KIAA0513: variants seen among roughly 807,000 people sequenced by gnomAD.
The protein encoded by KIAA0513 is uncharacterized protein KIAA0513.
KIAA0513 carries 39 observed loss-of-function variants against 56.5 expected under a neutral mutation model. The observed-to-expected ratio is 0.69, with a 90% confidence interval of 0.53 to 0.90. KIAA0513 has a LOEUF of 0.90. Ranked by LOEUF, KIAA0513 falls within the 40% of genes least tolerant of loss-of-function variation. KIAA0513 has a pLI of 0.00. For synonymous variants in KIAA0513, 268 were observed against 215.6 expected (o/e 1.24, Z -2.13); for missense variants, 591 against 535.2 (o/e 1.10, Z -1.03).
In KIAA0513 at chr16:85,072,065, G is replaced by A. The variant is rs554003676; in HGVS notation, c.429+183G>A. Among the ~76,000 whole-genome samples the A allele has an allele frequency of 1.6e-4, 25 of 152,232 alleles. 1 individual carries two copies. The East Asian group carries it at 4.6e-3, about 28-fold the overall frequency. ...TGAAAAGGAGTGTTTAGAATAGTAA[G>A]AAACAGTCTGGGCACAGTGGCTCAT... On this transcript the variant is annotated intron_variant, in intron 3 of 12. Coordinates refer to ENST00000683363, the MANE Select transcript of KIAA0513 (RefSeq NM_001388359.1).
chr16:85,053,373 T>C (rs931781514), intron 1 of KIAA0513, among the ~76,000 whole-genome samples: 7 of 152,228 alleles, frequency 4.6e-5, no homozygotes, highest in Non-Finnish European at 1.0e-4. Flanking sequence ...AAAATCCTTT[T>C]GGGTCTCGAT....
chr16:85,086,679 A>G lies in KIAA0513; in HGVS notation c.1046A>G (p.Asp349Gly), dbSNP rs754408344. 1 of 1,613,882 alleles carries G rather than the reference A, an allele frequency of 6.2e-7. No individual in the cohort carries two copies. The highest frequency in any genetic ancestry group is 1.1e-5 in the South Asian group (1 of 91,072). Residue 349 changes from aspartate to glycine, a missense_variant, in exon 11 of 13, where the codon GAC (aspartate) becomes GGC (glycine). Physicochemically the swap from Asp to Gly is moderately conservative, Grantham distance 94. Coordinates refer to ENST00000683363, the MANE Select transcript of KIAA0513 (RefSeq NM_001388359.1). ...KWCHMTQEER[D>G]DSLRFNENIT... ...TGCCACATGACCCAGGAGGAGCGCG[A>G]CGACAGCCTCCGGTTCAACGAGAAC...
At chr16:85,070,354 A>T (rs923835598) in intron 2 of KIAA0513, among the ~76,000 whole-genome samples, 27 of 152,210 alleles carry the variant, frequency 1.8e-4, no homozygotes, top group African/African-American at 6.3e-4. Context: ...GAGAACCGTT[A>T]TATGATAATC....
chr16:85,088,540 T>C lies in KIAA0513; in HGVS notation c.*215T>C, dbSNP rs2073835674. The C allele has an allele frequency of 3.5e-6, 2 of 574,958 alleles. No homozygotes were observed. Among genetic ancestry groups the C allele is most frequent in the Non-Finnish European group, 6.2e-6 (2 of 320,420 alleles). The allele number at this position is 574,958 out of a possible 1,614,324, so 35.6% of individuals were successfully genotyped here. A position where few individuals can be genotyped will look rare whatever the true frequency, so the allele number is the denominator to read the frequency against. ...CCCCATCCATGTGCCAAAGTGTCCC[T>C]TGGGTCACACAGCTAAAGCCGAGGT... On this transcript the variant is annotated 3_prime_UTR_variant, in exon 13 of 13. Coordinates refer to ENST00000683363, the MANE Select transcript of KIAA0513 (RefSeq NM_001388359.1).
chr16:85,065,431 T>C (rs756748086), intron 1 of KIAA0513, among the ~76,000 whole-genome samples: 1 of 152,192 alleles, frequency 6.6e-6, no homozygotes, highest in African/African-American at 2.4e-5. Context: ...AGGTTTATGC[T>C]TCTCTCTTGT....
chr16:85,033,776 T>G (rs1159206892), intron 1 of KIAA0513, among the ~76,000 whole-genome samples: 1 of 152,198 alleles, frequency 6.6e-6, no homozygotes, highest in East Asian at 1.9e-4. Context: ...ACCCAGATAC[T>G]CAATATGCCC....
chr16:85,088,222 A>T, intron 12 of KIAA0513, 54 bp from the exon 13 acceptor site: 2 of 1,524,834 alleles, frequency 1.3e-6, no homozygotes, highest in Non-Finnish European at 1.8e-6. Flanking sequence ...AGCAGGATAT[A>T]CCTGTCCCTG....
intron 1 of KIAA0513, among the ~76,000 whole-genome samples, chr16:85,047,379 C>G (rs999795573): frequency 1.3e-5 from 2 of 152,284 alleles, no homozygotes; most frequent in East Asian, 3.9e-4. Context: ...GAGCACTTTC[C>G]GGTTTCCTGG....
At chr16:85,073,738 A>C (rs2073613766) in intron 4 of KIAA0513, among the ~76,000 whole-genome samples, 1 of 152,160 alleles carries the variant, frequency 6.6e-6, no homozygotes, top group African/African-American at 2.4e-5. Context: ...GGGAGCCCTG[A>C]TCTGGGCATA....
In KIAA0513 at chr16:85,091,363, T is replaced by G. The variant is rs1390732825; in HGVS notation, c.*3038T>G. ...GCATCTGCCCTGTGCATGCGCATGT[T>G]TAACCACAGGCCAGAGAACTCAATT... is the stretch of plus-strand genomic sequence containing the variant. On this transcript the variant is annotated 3_prime_UTR_variant, in exon 13 of 13. Transcript: ENST00000683363. The G allele has an allele frequency of 6.6e-6, 1 of 152,200 alleles. No homozygotes were observed. The highest frequency in any genetic ancestry group is 1.5e-5 in the Non-Finnish European group (1 of 68,040). 9.4% of individuals were successfully genotyped at this position (152,200 alleles called of 1,614,324 possible). A position where few individuals can be genotyped will look rare whatever the true frequency, so the allele number is the denominator to read the frequency against.
rs756483725 is a variant in KIAA0513, at chr16:85,067,002, C to CT, written c.-70_-69insT. 4.5e-4 allele frequency: 628 copies of CT among 1,385,404 alleles called. No individual in the cohort carries two copies. The highest frequency in any genetic ancestry group is 5.6e-4 in the Non-Finnish European group (579 of 1,031,150). The allele number at this position is 1,385,404 out of a possible 1,614,324, so 85.8% of individuals were successfully genotyped here. ...TGGGCTCCTACTAACGCACCTGGGA[C>CT]ACCAGGCTGCTGGGCTCCCCTCTAG... On this transcript the variant is annotated 5_prime_UTR_variant, in exon 2 of 13. Coordinates refer to ENST00000683363, the MANE Select transcript of KIAA0513 (RefSeq NM_001388359.1).
chr16:85,082,886 G>A (rs933819267), intron 10 of KIAA0513, among the ~76,000 whole-genome samples: 3 of 152,262 alleles, frequency 2.0e-5, no homozygotes, highest in Non-Finnish European at 2.9e-5. Flanking sequence ...GCATGAGCTC[G>A]AGAGGCAAAG....
intron 1 of KIAA0513, among the ~76,000 whole-genome samples, chr16:85,048,772 T>G (rs1203055814): frequency 2.0e-5 from 3 of 152,186 alleles, no homozygotes; most frequent in Non-Finnish European, 4.4e-5. Flanking sequence ...ATAATAATAC[T>G]AATCAAATAT....
At chr16:85,057,752 C>G (rs1004175383) in intron 1 of KIAA0513, among the ~76,000 whole-genome samples, 8 of 151,028 alleles carry the variant, frequency 5.3e-5, no homozygotes, top group African/African-American at 9.9e-5. Flanking sequence ...GAGAGGCTGC[C>G]TCTGCTTTTT....
chr16:85,046,064 C>A (rs1473280076), intron 1 of KIAA0513, among the ~76,000 whole-genome samples: 2 of 152,294 alleles, frequency 1.3e-5, no homozygotes, highest in East Asian at 3.9e-4. Context: ...TGCCCTTGAT[C>A]TTGCCTGCAT....
intron 4 of KIAA0513, among the ~76,000 whole-genome samples, chr16:85,075,477 C>T (rs910808878): frequency 1.1e-4 from 16 of 152,288 alleles, no homozygotes; most frequent in African/African-American, 2.2e-4. Flanking sequence ...TGCTAGTTCC[C>T]GAGAAATCAA....
chr16:85,058,808 T>G (rs181153645), intron 1 of KIAA0513, among the ~76,000 whole-genome samples: 1 of 152,340 alleles, frequency 6.6e-6, no homozygotes, highest in Admixed American at 6.5e-5. Context: ...TCCTGACAAG[T>G]GCATTTCCAA....
rs1225731021 is a variant in KIAA0513 at position 85,088,340 on chromosome 16, A to G, written c.*15A>G. ...CCACTGAGTAGGCCCCAGAGGTCGC[A>G]CTCCGCAGGAGGACTGAGGCCATGT... On this transcript the variant is annotated 3_prime_UTR_variant, in exon 13 of 13. Transcript: ENST00000683363. 4.4e-6 allele frequency: 7 copies of G among 1,606,400 alleles called. No homozygotes were observed. Among genetic ancestry groups the G allele is most frequent in the Non-Finnish European group, 5.1e-6 (6 of 1,178,502 alleles).
chr16:85,067,153 C>T lies in KIAA0513; in HGVS notation c.82C>T (p.Pro28Ser), dbSNP rs779810639. ...APTSSPLEAPPPVLQDGDGSL... is the reference protein window; with the variant it reads ...APTSSPLEAPSPVLQDGDGSL... ...CACCTCTTCTCCCCTGGAGGCACCA[C>T]CCCCTGTGCTGCAGGACGGCGATGG... Residue 28 changes from proline (P) to serine (S), a missense_variant, in exon 2 of 13, where the codon CCC becomes TCC. Coordinates refer to ENST00000683363, the MANE Select transcript of KIAA0513 (RefSeq NM_001388359.1). The T allele has an allele frequency of 6.2e-7, 1 of 1,613,976 alleles. No individual in the cohort carries two copies. The highest frequency in any genetic ancestry group is 1.1e-5 in the South Asian group (1 of 91,084).
Sources: allele counts gnomAD v4.1 joint callset (sites outside exome capture counted in the v4.1 genomes callset), GRCh38; gene constraint gnomAD v4.1.1; transcripts MANE v1.5; gene names NCBI Gene and HGNC (gene_info 2026-07-23, HGNC 2026-07-21).